The following CREBZF variants were observed in gnomAD, a reference collection of about 807,000 sequenced individuals.
CREBZF encodes the protein HCF-binding transcription factor Zhangfei.
Under a neutral mutation model 21.1 loss-of-function variants are expected in CREBZF, and 8 were observed. That is an observed-to-expected ratio of 0.38 (90% CI 0.22 to 0.68). The LOEUF (loss-of-function observed/expected upper bound fraction) is 0.68. Ranked by LOEUF, CREBZF falls within the 30% of genes least tolerant of loss-of-function variation. The probability of loss-of-function intolerance (pLI) is 0.51; values close to 1 mark genes in which losing one functional copy is unlikely to be tolerated. For missense variants in CREBZF, 518 were observed against 484.3 expected (o/e 1.07, Z -0.65); for synonymous variants, 270 against 223.3 (o/e 1.21, Z -1.86).
intron 1 of CREBZF, among the ~76,000 whole-genome samples, chr11:85,682,516 T>G (rs906368432): frequency 3.3e-5 from 5 of 152,108 alleles, no homozygotes; most frequent in African/African-American, 9.7e-5. Context: ...CAGCACAGCT[T>G]GGAACAGTAC....
upstream of CREBZF, among the ~76,000 whole-genome samples, chr11:85,669,001 CAAAAAAAAAAAAAAAAAAAAAAAA>C (rs61718728): frequency 2.9e-3 from 95 of 33,222 alleles, 4 homozygotes; most frequent in South Asian, 0.044. Context: ...GACTCCGTCT[CAAAAAAAAAAAAAAAAAAAAAAAA>C]AAAAAAAAAA....
upstream of CREBZF, among the ~76,000 whole-genome samples, chr11:85,665,814 CA>C (rs1349851897): frequency 1.3e-5 from 2 of 152,048 alleles, no homozygotes; most frequent in Non-Finnish European, 2.9e-5. Context: ...AACAAACAAA[CA>C]AAAACTCTGA....
exon 1 of CREBZF, chr11:85,682,781 G>T (rs1482591959): frequency 2.9e-6 from 2 of 701,142 alleles, no homozygotes; most frequent in African/African-American, 1.7e-5. Context: ...CTCCCCGCAG[G>T]CTGGGCGCAA....
rs2082756578 is a variant in CREBZF, at chr11:85,663,745, G to A, written c.*66C>T. The A allele has an allele frequency of 1.3e-6, 2 of 1,588,032 alleles. No homozygotes were observed. Among genetic ancestry groups the A allele is most frequent in the Non-Finnish European group, 1.7e-6 (2 of 1,167,998 alleles). ...TGTCCGGTGAAGATGTCCCACTAAG[G>A]TAAGTTTGACATGGTGTAAGGGAGT... On this transcript the variant is annotated 3_prime_UTR_variant, in exon 1 of 1. Coordinates refer to ENST00000527447, the MANE Select transcript of CREBZF (RefSeq NM_001039618.4).
At position 85,661,997 on chromosome 11, in the gene CREBZF, T is replaced by A. The variant is rs1242880693; in HGVS notation, c.*1814A>T. 1 of 154,086 alleles carries A rather than the reference T, an allele frequency of 6.5e-6. No homozygotes were observed. The highest frequency in any genetic ancestry group is 1.8e-4 in the East Asian group (1 of 5,448). The allele number at this position is 154,086 out of a possible 1,614,324, so 9.5% of individuals were successfully genotyped here. The stretch of plus-strand genomic sequence containing the variant: ...ATATATATGTATATATATATATAAT[T>A]CAGTAGGCACTAAAAACCCATGCAG... On this transcript the variant is annotated 3_prime_UTR_variant, in exon 1 of 1. Coordinates refer to ENST00000527447, the MANE Select transcript of CREBZF (RefSeq NM_001039618.4).
chr11:85,663,802 T>G lies in CREBZF; in HGVS notation c.*9A>C. 1 of 1,591,218 alleles carries G rather than the reference T, an allele frequency of 6.3e-7. No individual in the cohort carries two copies. Among genetic ancestry groups the G allele is most frequent in the Non-Finnish European group, 8.5e-7 (1 of 1,171,382 alleles). ...GGGTAAACGCGGATAAAGAGCAGAT[T>G]ACTTGACCCTACATTTTAAGAGAAG... On this transcript the variant is annotated 3_prime_UTR_variant, in exon 1 of 1. Transcript: ENST00000527447.
chr11:85,676,448 C>T (rs1451242735), intron 1 of CREBZF, among the ~76,000 whole-genome samples: 1 of 152,094 alleles, frequency 6.6e-6, no homozygotes, highest in African/African-American at 2.4e-5. Flanking sequence ...AAAATTTGTA[C>T]TCTGACACAA....
chr11:85,662,769 T>C lies in CREBZF; in HGVS notation c.*1042A>G. The C allele has an allele frequency of 4.2e-6, 1 of 237,858 alleles. No individual in the cohort carries two copies. The allele number at this position is 237,858 out of a possible 1,614,324, so 14.7% of individuals were successfully genotyped here. ...CATTCACATTTCACAACCTTCAATA[T>C]CTAATCATACATATATAAATTTAAC... On this transcript the variant is annotated 3_prime_UTR_variant, in exon 1 of 1. Coordinates refer to ENST00000527447, the MANE Select transcript of CREBZF (RefSeq NM_001039618.4).
chr11:85,680,333 T>C (rs1351769988), intron 1 of CREBZF, among the ~76,000 whole-genome samples: 1 of 152,248 alleles, frequency 6.6e-6, no homozygotes, highest in Non-Finnish European at 1.5e-5. Flanking sequence ...CTGTTCCCTA[T>C]TGATGGTATG....
chr11:85,666,230 A>G (rs1489314801), upstream of CREBZF, among the ~76,000 whole-genome samples: 1 of 152,252 alleles, frequency 6.6e-6, no homozygotes, highest in Non-Finnish European at 1.5e-5. Context: ...GATTTGAAGC[A>G]GTTTACAAAT....
intron 1 of CREBZF, among the ~76,000 whole-genome samples, chr11:85,673,082 T>G (rs1040057121): frequency 4.6e-5 from 7 of 152,190 alleles, no homozygotes; most frequent in Non-Finnish European, 1.5e-5. Flanking sequence ...TGCTTTTGTG[T>G]TTCTTTTGTT....
rs1338767274 is a variant in CREBZF at position 85,664,487 on chromosome 11, A to G, written c.389T>C (p.Leu130Pro). 7 of 1,613,694 alleles carry G rather than the reference A, an allele frequency of 4.3e-6. 1 individual carries two copies. In the South Asian group the frequency reaches 6.6e-5, roughly 15 times the overall value. Residue 130 changes from leucine to proline, a missense_variant, in exon 1 of 1, where the codon CTC becomes CCC. Around this residue, in one of 3 missense-constraint regions of CREBZF, gnomAD observed 396 missense variants for 324.4 expected, o/e 1.22. Coordinates refer to ENST00000527447, the MANE Select transcript of CREBZF (RefSeq NM_001039618.4). This position sits in a 1 kb window ranked among gnomAD's most constrained non-coding sequence, Gnocchi z 5.5. ...ATCCGAGCCTCCGCCAGACGAGGAG[A>G]GAGGCCCCGGCGAGCTAAGCCCGGG... ...LDPGLSSPGP[L>P]SSSGGGSDSG...
intron 1 of CREBZF, among the ~76,000 whole-genome samples, chr11:85,679,600 T>C (rs1309579055): frequency 2.6e-5 from 4 of 152,214 alleles, no homozygotes; most frequent in East Asian, 3.8e-4. Flanking sequence ...ACCGGCTCTC[T>C]AAAATCTAAG....
At chr11:85,669,966 C>A (rs2082900637), upstream of CREBZF, among the ~76,000 whole-genome samples, 1 of 152,030 alleles carries the variant, frequency 6.6e-6, no homozygotes, top group Admixed American at 6.5e-5. Context: ...TGCCACCACA[C>A]CTGGCTAATT....
intron 1 of CREBZF, among the ~76,000 whole-genome samples, chr11:85,675,830 T>A (rs941532836): frequency 1.3e-5 from 2 of 152,132 alleles, no homozygotes; most frequent in African/African-American, 4.8e-5. Context: ...TTGTAAGGGG[T>A]AGTGAGACCA....
intron 1 of CREBZF, among the ~76,000 whole-genome samples, chr11:85,680,705 A>C (rs1158082829): frequency 6.6e-6 from 1 of 152,246 alleles, no homozygotes; most frequent in Non-Finnish European, 1.5e-5. Flanking sequence ...AGTGTTTAGA[A>C]AATAACATCC....
intron 1 of CREBZF, among the ~76,000 whole-genome samples, chr11:85,681,945 GCTCTTAAGAAGAATAGTTTGTATA>G (rs1028107235): frequency 6.6e-6 from 1 of 152,176 alleles, no homozygotes; most frequent in African/African-American, 2.4e-5. Context: ...CCTTTTTAAG[GCTCTTAAGAAGAATAGTTTGTATA>G]CTGGGAGAAA....
chr11:85,676,323 G>T (rs1015616646), intron 1 of CREBZF, among the ~76,000 whole-genome samples: 1 of 152,132 alleles, frequency 6.6e-6, no homozygotes, highest in Non-Finnish European at 1.5e-5. Context: ...TGGGCACCTC[G>T]GAGCCAGAAC....
upstream of CREBZF, among the ~76,000 whole-genome samples, chr11:85,668,514 A>G (rs912875515): frequency 3.6e-4 from 55 of 152,194 alleles, no homozygotes; most frequent in Non-Finnish European, 6.6e-4. Context: ...TAATAATTAC[A>G]TAACCTTATA....
Sources: allele counts gnomAD v4.1 joint callset (sites outside exome capture counted in the v4.1 genomes callset), GRCh38; gene constraint gnomAD v4.1.1; regional missense constraint gnomAD v4.1.1; non-coding constraint Gnocchi (gnomAD v3.1); transcripts MANE v1.5; gene names NCBI Gene and HGNC (gene_info 2026-07-23, HGNC 2026-07-21).